The following C4orf50 variants were observed in gnomAD, a reference collection of about 807,000 sequenced individuals.
The protein encoded by C4orf50 is uncharacterized protein C4orf50.
A neutral mutation model predicts 77.2 loss-of-function variants in C4orf50; 80 were observed. That is an observed-to-expected ratio of 1.04 (90% confidence interval 0.87 to 1.25). The LOEUF is 1.25. C4orf50 is among the 50% of genes most tolerant of loss of function. C4orf50 has a pLI of 0.00. For synonymous variants in C4orf50, 532 were observed against 465.3 expected, an observed-to-expected ratio of 1.14 and a Z score of -1.84; for missense variants, 1,257 against 1,152.9, an observed-to-expected ratio of 1.09 and a Z score of -1.31.
intron 28 of C4orf50, among the ~76,000 whole-genome samples, chr4:5,984,978 T>C (rs1053322903): frequency 6.6e-6 from 1 of 152,068 alleles, no homozygotes; most frequent in African/African-American, 2.4e-5. Context: ...CAGTCAGAGA[T>C]AAAACAACAC....
intron 33 of C4orf50, among the ~76,000 whole-genome samples, chr4:5,960,431 C>T (rs942136200): frequency 6.6e-5 from 10 of 152,322 alleles, no homozygotes; most frequent in South Asian, 6.2e-4. Flanking sequence ...AGAATGGAGC[C>T]GACTTCTCCA....
chr4:5,975,843 T>C (rs1321602627), intron 30 of C4orf50, 56 bp downstream of exon 8: 5 of 1,358,104 alleles, frequency 3.7e-6, no homozygotes, highest in Non-Finnish European at 4.2e-6. Flanking sequence ...GGAAAACTAC[T>C]AAACTCTCTT....
exon 28 of C4orf50, chr4:5,989,875 T>C: frequency 6.9e-7 from 1 of 1,445,122 alleles, no homozygotes; most frequent in Non-Finnish European, 9.1e-7. Context: ...CTCTAGCCCT[T>C]TGTCCTCCAG....
chr4:5,917,414 T>A (rs929130785), intron 7 of C4orf50, among the ~76,000 whole-genome samples: 1 of 106,014 alleles, frequency 9.4e-6, no homozygotes, highest in East Asian at 2.1e-4. Flanking sequence ...TTCTTTTTTT[T>A]TTTTTTTTTT....
chr4:5,985,308 A>G (rs1720800407), intron 28 of C4orf50, among the ~76,000 whole-genome samples: 1 of 152,144 alleles, frequency 6.6e-6, no homozygotes, highest in South Asian at 2.1e-4. Context: ...ACATGTAAAG[A>G]TACGGGTAAA....
chr4:6,014,243 C>G (rs1722600414), intron 23 of C4orf50, among the ~76,000 whole-genome samples: 1 of 152,114 alleles, frequency 6.6e-6, no homozygotes. Flanking sequence ...CTCAGGTGAT[C>G]AGCCCGCCTG....
At chr4:5,963,142 G>T (rs777667514) in intron 33 of C4orf50, among the ~76,000 whole-genome samples, 1 of 151,776 alleles carries the variant, frequency 6.6e-6, no homozygotes, top group Non-Finnish European at 1.5e-5. Context: ...GAGACTACAG[G>T]CATGTACCAC....
chr4:5,955,990 T>A (rs1718940506), downstream of C4orf50, among the ~76,000 whole-genome samples: 1 of 152,140 alleles, frequency 6.6e-6, no homozygotes, highest in Non-Finnish European at 1.5e-5. The surrounding 1 kb of genome is among the most constrained non-coding windows in gnomAD (Gnocchi z 5.1). Context: ...GCCAACAAAA[T>A]GACAAATGTT....
chr4:6,013,547 T>C (rs538148304), intron 23 of C4orf50, among the ~76,000 whole-genome samples: 2 of 152,280 alleles, frequency 1.3e-5, no homozygotes, highest in South Asian at 4.1e-4. Context: ...GAATGTTACC[T>C]TAAAATGCAA....
intron 7 of C4orf50, among the ~76,000 whole-genome samples, chr4:5,935,726 C>T (rs1214392020): frequency 7.2e-5 from 10 of 139,222 alleles, no homozygotes; most frequent in Non-Finnish European, 1.2e-4. Context: ...GTGGAGGCTG[C>T]AGTGAGCCGA....
intron 7 of C4orf50, among the ~76,000 whole-genome samples, chr4:5,907,201 C>T (rs1209834745): frequency 6.6e-6 from 1 of 152,224 alleles, no homozygotes; most frequent in Non-Finnish European, 1.5e-5. Flanking sequence ...AAGAAGGCAA[C>T]ATTCTTTCCC....
At chr4:5,960,692 C>T (rs540120893) in intron 33 of C4orf50, among the ~76,000 whole-genome samples, 1 of 152,270 alleles carries the variant, frequency 6.6e-6, no homozygotes, top group South Asian at 2.1e-4. Context: ...ATGAAGCCTC[C>T]AGGACGGAAG....
chr4:5,963,032 C>T (rs1164890376), intron 33 of C4orf50, among the ~76,000 whole-genome samples: 2 of 144,610 alleles, frequency 1.4e-5, no homozygotes, highest in Non-Finnish European at 3.0e-5. Context: ...GATGGAGTCT[C>T]GCTCTGTTGC....
intron 29 of C4orf50, among the ~76,000 whole-genome samples, chr4:5,979,642 G>T (rs1720462675): frequency 6.6e-6 from 1 of 152,220 alleles, no homozygotes. Context: ...TAGAGACAGG[G>T]TCTTGCTCTG....
intron 25 of C4orf50, among the ~76,000 whole-genome samples, chr4:6,001,947 G>C (rs1721848674): frequency 1.3e-5 from 2 of 152,368 alleles, no homozygotes; most frequent in Admixed American, 6.5e-5. Context: ...GAGGACAAAA[G>C]AGGCTCCTGG....
intron 7 of C4orf50, among the ~76,000 whole-genome samples, chr4:5,909,454 A>G (rs1279525788): frequency 1.3e-5 from 2 of 152,230 alleles, no homozygotes; most frequent in African/African-American, 4.8e-5. Context: ...CTCTCATTCT[A>G]TAGATTGTCT....
rs1716301765 is a variant in C4orf50, at chr4:5,900,559, C to T, written c.*2475-2371G>A. On this transcript the variant is annotated intron_variant, in intron 7 of 7. Coordinates refer to the C4orf50 transcript ENST00000324058. This position sits in a 1 kb window ranked among gnomAD's most constrained non-coding sequence, Gnocchi z 4.3. The stretch of plus-strand genomic sequence containing the variant: ...ACTAACATCTATCACTAGATGATGC[C>T]ATATAGATTGCAACCCAGTAGAAAA... The T allele has an allele frequency of 6.6e-6, 1 of 152,174 alleles. No individual in the cohort carries two copies. The highest frequency in any genetic ancestry group is 1.5e-5 in the Non-Finnish European group (1 of 68,046). 9.4% of individuals were successfully genotyped at this position (152,174 alleles called of 1,614,324 possible).
At chr4:5,984,960 T>C (rs1720781677) in intron 28 of C4orf50, among the ~76,000 whole-genome samples, 1 of 151,870 alleles carries the variant, frequency 6.6e-6, no homozygotes, top group African/African-American at 2.4e-5. Context: ...AATAGGAAAT[T>C]ATAAAAGCAG....
At chr4:5,927,793 T>C (rs1258651226) in intron 7 of C4orf50, among the ~76,000 whole-genome samples, 2 of 152,154 alleles carry the variant, frequency 1.3e-5, no homozygotes, top group African/African-American at 4.8e-5. Context: ...TCTCAGGTAG[T>C]ACCTTTAACA....
Sources: gnomAD v4.1 joint callset for allele counts (sites outside exome capture counted in the v4.1 genomes callset) on GRCh38, gnomAD v4.1.1 for gene constraint, Gnocchi (gnomAD v3.1) non-coding constraint, MANE v1.5 for transcripts, NCBI Gene and HGNC (gene_info 2026-07-23, HGNC 2026-07-21) for gene names.